CNTNAP2: variants seen among roughly 807,000 people sequenced by gnomAD.
The protein encoded by CNTNAP2 is contactin-associated protein-like 2.
CNTNAP2 carries 98 observed loss-of-function variants against 155.2 expected under a neutral mutation model. The ratio of observed to expected loss-of-function variants is 0.63; its 90% CI spans 0.54 to 0.75. The LOEUF is 0.75. Ranked by LOEUF, CNTNAP2 falls within the 30% of genes least tolerant of loss-of-function variation. CNTNAP2 has a pLI of 0.00. For missense variants in CNTNAP2, 1,727 were observed against 1,688.1 expected, an observed-to-expected ratio of 1.02 and a Z score of -0.40; for synonymous variants, 651 against 631.2, an observed-to-expected ratio of 1.03 and a Z score of -0.47.
rs1190192657 is a variant in CNTNAP2 at position 148,331,005 on chromosome 7, T to A, written c.3476-52644T>A. Among the ~76,000 whole-genome samples, 2 of 141,836 alleles carry A rather than the reference T, an allele frequency of 1.4e-5. 1 individual carries two copies. Among genetic ancestry groups the A allele is most frequent in the African/African-American group, 5.4e-5 (2 of 37,024 alleles). 93.0% of individuals were successfully genotyped at this position (141,836 alleles called of 152,430 possible). A position where few individuals can be genotyped will look rare whatever the true frequency, so the allele number is the denominator to read the frequency against. ...GGATGGAATGAACGCATGGAATGAA[T>A]GGATGGAATGGACAGATGGATGGAG... On this transcript the variant is annotated intron_variant, in intron 21 of 23. Transcript: ENST00000361727.
chr7:146,844,535 A>G (rs1048853581), intron 3 of CNTNAP2, among the ~76,000 whole-genome samples: 4 of 152,178 alleles, frequency 2.6e-5, no homozygotes, highest in Admixed American at 6.5e-5. Context: ...AGTATTCTGT[A>G]TAAGCATTTT....
At position 147,033,669 on chromosome 7, in the gene CNTNAP2, CTG is replaced by C. The variant is rs113075037; in HGVS notation, c.403-10235_403-10234del. On this transcript the variant is annotated intron_variant, in intron 3 of 23. Transcript: ENST00000361727. ...AAGCACATTTATTGACCACTGAACA[CTG>C]TGGTCATCAGATACACAGGGACCAA... is the stretch of plus-strand genomic sequence containing the variant. Among the ~76,000 whole-genome samples the C allele has an allele frequency of 2.2e-4, 34 of 152,160 alleles. 1 individual carries two copies. The highest frequency in any genetic ancestry group is 7.7e-4 in the African/African-American group (32 of 41,502).
chr7:146,620,981 A>G (rs1799307037), intron 1 of CNTNAP2, among the ~76,000 whole-genome samples: 1 of 152,180 alleles, frequency 6.6e-6, no homozygotes, highest in Non-Finnish European at 1.5e-5. Flanking sequence ...CATTAATTAT[A>G]TCATCTTATG....
At chr7:148,184,964 C>T (rs2906314) in intron 18 of CNTNAP2, among the ~76,000 whole-genome samples, 1 of 152,094 alleles carries the variant, frequency 6.6e-6, no homozygotes, top group African/African-American at 2.4e-5. Flanking sequence ...CATTGAGTCA[C>T]TGAAAGCCTC....
chr7:148,289,456 G>A lies in CNTNAP2; in HGVS notation c.3475+22330G>A, dbSNP rs1362583516. On this transcript the variant is annotated intron_variant, in intron 21 of 23. Coordinates refer to ENST00000361727, the MANE Select transcript of CNTNAP2 (RefSeq NM_014141.6). The stretch of plus-strand genomic sequence containing the variant: ...TCCTCCCAGGGTGAAATAGCAGAGA[G>A]ATTTGAGGCAGCCCTCAACTAGAGT... 2.0e-5 allele frequency among the ~76,000 whole-genome samples: 3 copies of A among 152,188 alleles called. No individual in the cohort carries two copies. The South Asian group carries it at 6.2e-4, about 32-fold the overall frequency.
At chr7:147,076,506 A>G (rs184813445) in intron 4 of CNTNAP2, among the ~76,000 whole-genome samples, 656 of 152,132 alleles carry the variant, frequency 4.3e-3, no homozygotes, top group Middle Eastern at 0.01. Context: ...AAATTTGTTT[A>G]AGTTCTTTGT....
At chr7:147,139,800 A>G (rs1376756064) in intron 8 of CNTNAP2, among the ~76,000 whole-genome samples, 3 of 152,094 alleles carry the variant, frequency 2.0e-5, no homozygotes, top group Non-Finnish European at 4.4e-5. Flanking sequence ...TTAGCCACAT[A>G]TATTTCTTAG....
At chr7:146,291,097 A>G (rs901971637) in intron 1 of CNTNAP2, among the ~76,000 whole-genome samples, 1 of 152,342 alleles carries the variant, frequency 6.6e-6, no homozygotes, top group Non-Finnish European at 1.5e-5. Flanking sequence ...CTAGACTAAG[A>G]TAAAACATGA....
At chr7:147,443,544 G>C (rs567282490) in intron 10 of CNTNAP2, among the ~76,000 whole-genome samples, 18 of 152,234 alleles carry the variant, frequency 1.2e-4, no homozygotes, top group East Asian at 1.2e-3. Flanking sequence ...TTGGTCCTTA[G>C]GAAAGTGCTT....
intron 2 of CNTNAP2, among the ~76,000 whole-genome samples, chr7:146,813,102 C>A (rs1016280653): frequency 2.0e-5 from 3 of 152,154 alleles, no homozygotes; most frequent in Non-Finnish European, 2.9e-5. Flanking sequence ...CATGAAGAAC[C>A]ACTGCCAGAT....
At chr7:148,289,675 A>C (rs564134326) in intron 21 of CNTNAP2, among the ~76,000 whole-genome samples, 1 of 152,356 alleles carries the variant, frequency 6.6e-6, no homozygotes, top group East Asian at 1.9e-4. Context: ...ATAGCCAATC[A>C]TGCTGATGGC....
intron 1 of CNTNAP2, among the ~76,000 whole-genome samples, chr7:146,441,299 A>T (rs1032739016): frequency 6.6e-6 from 1 of 151,452 alleles, no homozygotes; most frequent in African/African-American, 2.5e-5. Flanking sequence ...GCAAAATAAA[A>T]TTTTTTGGGG....
chr7:148,355,467 C>T (rs35274280), intron 21 of CNTNAP2, among the ~76,000 whole-genome samples: 1 of 151,982 alleles, frequency 6.6e-6, no homozygotes, highest in African/African-American at 2.4e-5. Context: ...AGGTTAGCTC[C>T]AAACACTTAA....
At chr7:147,687,562 A>G (rs778059393) in intron 13 of CNTNAP2, among the ~76,000 whole-genome samples, 1 of 152,160 alleles carries the variant, frequency 6.6e-6, no homozygotes, top group Non-Finnish European at 1.5e-5. Context: ...AGAGGCTCAC[A>G]TGGGTTTAAG....
chr7:146,922,275 C>T (rs181582323), intron 3 of CNTNAP2, among the ~76,000 whole-genome samples: 2,649 of 145,852 alleles, frequency 0.018, 30 homozygotes, highest in South Asian at 0.032. Context: ...AAAAAAAAAA[C>T]GCCACTTTCA....
At chr7:147,200,177 C>G (rs142395784) in intron 8 of CNTNAP2, among the ~76,000 whole-genome samples, 96 of 151,820 alleles carry the variant, frequency 6.3e-4, no homozygotes, top group Non-Finnish European at 1.0e-3. Flanking sequence ...ACAACCAGTG[C>G]TCAAGAAAAA....
intron 21 of CNTNAP2, among the ~76,000 whole-genome samples, chr7:148,288,919 C>A (rs2177998): frequency 6.6e-5 from 9 of 135,380 alleles, no homozygotes; most frequent in East Asian, 2.1e-4. Flanking sequence ...TTTTTAATTA[C>A]AACAGATTAA....
chr7:147,757,189 G>C (rs1450349985), intron 13 of CNTNAP2, among the ~76,000 whole-genome samples: 1 of 152,052 alleles, frequency 6.6e-6, no homozygotes, highest in Admixed American at 6.6e-5. Flanking sequence ...AGCTGCTTTG[G>C]GACAGTCAGG....
intron 13 of CNTNAP2, among the ~76,000 whole-genome samples, chr7:147,833,685 C>G (rs1462254236): frequency 1.3e-5 from 2 of 152,194 alleles, no homozygotes; most frequent in African/African-American, 2.4e-5. Flanking sequence ...AGGTTCCAAA[C>G]TCTGCATGTC....
Sources: gnomAD v4.1 joint callset for allele counts (sites outside exome capture counted in the v4.1 genomes callset) on GRCh38, gnomAD v4.1.1 for gene constraint, MANE v1.5 for transcripts, NCBI Gene and HGNC (gene_info 2026-07-23, HGNC 2026-07-21) for gene names.